ADCY3: variants seen among roughly 807,000 people sequenced by gnomAD.
ADCY3 encodes the protein adenylate cyclase 3, also known as adenylate cyclase type 3.
In ADCY3, 70 loss-of-function variants were observed where a neutral mutation model predicts 119.4. The observed-to-expected ratio is 0.59, with a 90% CI of 0.48 to 0.72. The LOEUF (loss-of-function observed/expected upper bound fraction) is 0.72, where lower values mean the gene tolerates loss of function less well. Among genes scored for constraint, ADCY3 ranks in the 30% least tolerant of loss-of-function variants. The pLI is 0.00. For synonymous variants in ADCY3, 672 were observed against 621.4 expected (o/e 1.08, Z -1.21); for missense variants, 1,238 against 1,541.6 (o/e 0.80, Z 3.30).
At chr2:24,825,637 C>A (rs1668507175) in intron 16 of ADCY3, 2 of 188,116 alleles carry the variant, frequency 1.1e-5, no homozygotes, top group South Asian at 2.1e-4. Flanking sequence ...CCTTTTAACC[C>A]AACAGAAAGT....
intron 2 of ADCY3, among the ~76,000 whole-genome samples, chr2:24,883,001 A>G (rs1160283820): frequency 6.6e-6 from 1 of 151,714 alleles, no homozygotes; most frequent in East Asian, 1.9e-4. Flanking sequence ...CAGAGGTTGC[A>G]GTGAGCCGAG....
chr2:24,912,473 C>T (rs900472382), intron 2 of ADCY3, among the ~76,000 whole-genome samples: 1 of 152,210 alleles, frequency 6.6e-6, no homozygotes, highest in Non-Finnish European at 1.5e-5. Flanking sequence ...ATGCCAATAA[C>T]CCTGGCATCC....
chr2:24,819,316 A>ATAAATG lies in ADCY3; in HGVS notation c.*610_*615dup, dbSNP rs1232075477. 6.6e-6 allele frequency: 1 copy of ATAAATG among 152,570 alleles called. No individual in the cohort carries two copies. The highest frequency in any genetic ancestry group is 1.5e-5 in the Non-Finnish European group (1 of 68,026). 9.5% of individuals were successfully genotyped at this position (152,570 alleles called of 1,614,324 possible). ...GTGTATTTAACAGAAGATTAAAAAT[A>ATAAATG]TAAATGTAGAAGATCTGTTTATATA... is the stretch of plus-strand genomic sequence containing the variant. On this transcript the variant is annotated 3_prime_UTR_variant, in exon 22 of 22. Transcript: ENST00000679454.
intron 7 of ADCY3, chr2:24,839,035 C>T (rs1222717579): frequency 4.6e-5 from 22 of 482,002 alleles, no homozygotes; most frequent in South Asian, 7.8e-5. Flanking sequence ...CTCTGCCTCC[C>T]GGGTTCAAGC....
intron 3 of ADCY3, among the ~76,000 whole-genome samples, chr2:24,846,856 G>A (rs566710609): frequency 6.6e-6 from 1 of 152,358 alleles, no homozygotes; most frequent in South Asian, 2.1e-4. Context: ...TGGCATTACA[G>A]GTGTAAGCCA....
chr2:24,837,132 G>C, intron 8 of ADCY3, 87 bp from the exon 9 acceptor site: 1 of 1,453,994 alleles, frequency 6.9e-7, no homozygotes, highest in Non-Finnish European at 9.3e-7. Flanking sequence ...CGTGGGAGGC[G>C]GTGGGATTAG....
rs1195068533 is a variant in ADCY3 at position 24,821,904 on chromosome 2, C to G, written c.3004-264G>C. 1.7e-5 allele frequency: 7 copies of G among 421,530 alleles called. No homozygotes were observed. The East Asian group carries it at 3.2e-4, about 19-fold the overall frequency. 26.1% of individuals were successfully genotyped at this position (421,530 alleles called of 1,614,324 possible). A position where few individuals can be genotyped will look rare whatever the true frequency, so the allele number is the denominator to read the frequency against. ...CTGACCACGAGGCGGACCCCTTCAC[C>G]TTGGCTGGGCCTGGTCCTGGTCCTT... On this transcript the variant is annotated intron_variant, in intron 19 of 21. Coordinates refer to ENST00000679454, the MANE Select transcript of ADCY3 (RefSeq NM_004036.5).
chr2:24,881,390 G>A (rs908182359), intron 2 of ADCY3, among the ~76,000 whole-genome samples: 4 of 152,164 alleles, frequency 2.6e-5, no homozygotes, highest in Non-Finnish European at 4.4e-5. Flanking sequence ...CAGGTCTCTC[G>A]GAAGCAGTGT....
intron 3 of ADCY3, among the ~76,000 whole-genome samples, chr2:24,851,791 C>G (rs1438696608): frequency 6.6e-6 from 1 of 152,184 alleles, no homozygotes; most frequent in Non-Finnish European, 1.5e-5. Flanking sequence ...TCAGGCCTCT[C>G]AAATGAAGTA....
In ADCY3 at chr2:24,919,274, T is replaced by C; in HGVS notation, c.-197-90A>G. ...GCCCTAACCCTCATAAAAGGATCTC[T>C]GCTGCAAGAGCCTCCCAACCCAGGG... On this transcript the variant is annotated intron_variant, in intron 1 of 21. Coordinates refer to ENST00000679454, the MANE Select transcript of ADCY3 (RefSeq NM_004036.5). The surrounding 1 kb of genome is among the most constrained non-coding windows in gnomAD (Gnocchi z 5.5). 1 of 374,578 alleles carries C rather than the reference T, an allele frequency of 2.7e-6. No homozygotes were observed. Among genetic ancestry groups the C allele is most frequent in the Non-Finnish European group, 4.9e-6 (1 of 203,092 alleles). The allele number at this position is 374,578 out of a possible 1,614,324, so 23.2% of individuals were successfully genotyped here. A position where few individuals can be genotyped will look rare whatever the true frequency, so the allele number is the denominator to read the frequency against.
chr2:24,903,689 G>C (rs947889381), intron 2 of ADCY3, among the ~76,000 whole-genome samples: 2 of 152,212 alleles, frequency 1.3e-5, no homozygotes, highest in African/African-American at 4.8e-5. Flanking sequence ...AGTGGGTGAG[G>C]GGCGGGGAGG....
rs72847458 is a variant in ADCY3, at chr2:24,830,557, A to G, written c.2172+152T>C. ...TGACAGGGACAAGACTCCTTCCACT[A>G]GGTGGGGATGATGTGTTTGGGAACC... On this transcript the variant is annotated intron_variant, in intron 13 of 21. Coordinates refer to ENST00000679454, the MANE Select transcript of ADCY3 (RefSeq NM_004036.5). The G allele has an allele frequency of 5.2e-3, 3,199 of 614,312 alleles. 63 individuals carry two copies. The African/African-American group carries it at 0.054, about 10-fold the overall frequency. 38.1% of individuals were successfully genotyped at this position (614,312 alleles called of 1,614,324 possible).
intron 3 of ADCY3, among the ~76,000 whole-genome samples, chr2:24,861,543 A>G (rs945303183): frequency 2.0e-5 from 3 of 152,112 alleles, no homozygotes; most frequent in African/African-American, 4.8e-5. Context: ...GGCCCTTTCC[A>G]AAGTGTTTTT....
At chr2:24,846,035 T>C (rs1448879201) in intron 3 of ADCY3, among the ~76,000 whole-genome samples, 1 of 152,250 alleles carries the variant, frequency 6.6e-6, no homozygotes, top group Non-Finnish European at 1.5e-5. Flanking sequence ...TCTGCCTAGA[T>C]TTCAGAAGAT....
chr2:24,853,762 AG>A (rs1197453248), intron 3 of ADCY3, among the ~76,000 whole-genome samples: 1 of 152,168 alleles, frequency 6.6e-6, no homozygotes, highest in Non-Finnish European at 1.5e-5. Flanking sequence ...CTGAAATTAC[AG>A]GCATGAGCCA....
At chr2:24,865,773 C>G (rs1433792354) in intron 3 of ADCY3, among the ~76,000 whole-genome samples, 2 of 152,078 alleles carry the variant, frequency 1.3e-5, no homozygotes, top group Non-Finnish European at 2.9e-5. Context: ...TAAAAAGAAC[C>G]TAGCTCTTTA....
At chr2:24,861,763 G>C (rs1369195518) in intron 3 of ADCY3, among the ~76,000 whole-genome samples, 1 of 152,184 alleles carries the variant, frequency 6.6e-6, no homozygotes, top group Non-Finnish European at 1.5e-5. Context: ...GGCTGGAAGA[G>C]AGAAGGGGAA....
At chr2:24,879,366 C>T (rs1185848101) in intron 2 of ADCY3, among the ~76,000 whole-genome samples, 18 of 146,370 alleles carry the variant, frequency 1.2e-4, no homozygotes, top group Admixed American at 7.7e-4. Flanking sequence ...GGCAGGAGAA[C>T]GGCATGAACC....
chr2:24,830,631 C>T (rs866743822), intron 13 of ADCY3, 78 bp downstream of exon 13: 7 of 1,126,542 alleles, frequency 6.2e-6, no homozygotes, highest in South Asian at 2.8e-5. Flanking sequence ...GACTGAGAAA[C>T]TGCTTGTGTG....
Sources: allele counts gnomAD v4.1 joint callset (sites outside exome capture counted in the v4.1 genomes callset), GRCh38; gene constraint gnomAD v4.1.1; non-coding constraint Gnocchi (gnomAD v3.1); transcripts MANE v1.5; gene names NCBI Gene and HGNC (gene_info 2026-07-23, HGNC 2026-07-21).